Variants in SLC6A12 observed in about 807,000 individuals in gnomAD.
SLC6A12 encodes the protein sodium- and chloride-dependent betaine transporter.
SLC6A12 carries 50 observed loss-of-function variants against 73.3 expected under a neutral mutation model. The ratio of observed to expected loss-of-function variants is 0.68; its 90% CI spans 0.54 to 0.86. The LOEUF (loss-of-function observed/expected upper bound fraction) is 0.86, where lower values mean the gene tolerates loss of function less well. SLC6A12 is among the 40% of genes least tolerant of loss of function. The pLI is 0.00. For synonymous variants in SLC6A12, 304 were observed against 309.2 expected, an observed-to-expected ratio of 0.98 and a Z score of 0.18; for missense variants, 648 against 772.8, an observed-to-expected ratio of 0.84 and a Z score of 1.92.
In SLC6A12 at chr12:200,800, A is replaced by C. The variant is rs750232292; in HGVS notation, c.579-17T>G. ...ACTCGTCTCCTGGAGGATTGGGAAAAATAAGTAATGAGGGGAAAGGCTAAA... is the reference window on the plus strand; with the variant it reads ...ACTCGTCTCCTGGAGGATTGGGAAACATAAGTAATGAGGGGAAAGGCTAAA... On this transcript the variant is annotated splice_polypyrimidine_tract_variant and intron_variant, in intron 6 of 15. Transcript: ENST00000684302. The C allele has an allele frequency of 1.2e-6, 2 of 1,611,606 alleles. No individual in the cohort carries two copies. Among genetic ancestry groups the C allele is most frequent in the African/African-American group, 1.3e-5 (1 of 74,856 alleles).
At chr12:185,641 A>T (rs2137089046), downstream of SLC6A12, among the ~76,000 whole-genome samples, 1 of 152,304 alleles carries the variant, frequency 6.6e-6, no homozygotes, top group Middle Eastern at 3.4e-3. Context: ...GGCAGGGAGC[A>T]AGCTCCCCTC....
chr12:198,017 C>G lies in SLC6A12; in HGVS notation c.847-14G>C. The G allele has an allele frequency of 1.9e-6, 3 of 1,611,226 alleles. No individual in the cohort carries two copies. The highest frequency in any genetic ancestry group is 2.5e-6 in the Non-Finnish European group (3 of 1,177,616). On this transcript the variant is annotated splice_polypyrimidine_tract_variant and intron_variant, in intron 8 of 15. Transcript: ENST00000684302. This position sits in a 1 kb window ranked among gnomAD's most constrained non-coding sequence, Gnocchi z 4.0. ...ATCCATCCACACCTACACAAAACCC[C>G]AAGAAAGAGGTAGAGGCAGCCCCCA...
Position 191,071 on chromosome 12 carries a change from C to A in SLC6A12, c.1842G>T (p.Leu614Phe). 3.8e-6 allele frequency: 5 copies of A among 1,325,266 alleles called. No homozygotes were observed. Among genetic ancestry groups the A allele is most frequent in the Non-Finnish European group, 4.9e-6 (5 of 1,026,756 alleles). The allele number at this position is 1,325,266 out of a possible 1,614,324, so 82.1% of individuals were successfully genotyped here. A position where few individuals can be genotyped will look rare whatever the true frequency, so the allele number is the denominator to read the frequency against. ...GLIAGEKETH[L>F] ...CCGCCTGGCCTCTGGCCACACCCTA[C>A]AAATGGGTCTCCTTCTCCCCGGCTA... Residue 614 changes from leucine (L) to phenylalanine (F), a missense_variant, in exon 16 of 16, where the codon TTG becomes TTT. Transcript: ENST00000684302.
rs2137140614 is a variant in SLC6A12 at position 198,868 on chromosome 12, T to C, written c.775A>G (p.Thr259Ala). The C allele has an allele frequency of 6.2e-7, 1 of 1,614,046 alleles. No homozygotes were observed. Among genetic ancestry groups the C allele is most frequent in the Non-Finnish European group, 8.5e-7 (1 of 1,179,962 alleles). The change falls in exon 8 of 16, where the codon ACC becomes GCC. Residue 259 changes from threonine (T) to alanine (A), a missense_variant. Coordinates refer to ENST00000684302, the MANE Select transcript of SLC6A12 (RefSeq NM_001122848.3). The surrounding 1 kb of genome is among the most constrained non-coding windows in gnomAD (Gnocchi z 4.0). ...MLVILLIRGV[T>A]LPGAYQGIIY... ...ATGCCCTGGTAGGCTCCGGGAAGGG[T>C]GACACCTCTGATCAGCAAAATGACA...
Position 190,703 on chromosome 12 carries a change from C to T in SLC6A12, c.*365G>A, listed in dbSNP as rs1346021431. On this transcript the variant is annotated 3_prime_UTR_variant, in exon 16 of 16. Transcript: ENST00000684302. ...TGCGTTCCAATTATAGCTCCTCTCCCCGTGTACAAATGCAGTACGCTCTAA... is the reference window on the plus strand; with the variant it reads ...TGCGTTCCAATTATAGCTCCTCTCCTCGTGTACAAATGCAGTACGCTCTAA... The T allele has an allele frequency of 1.2e-5, 2 of 165,604 alleles. No homozygotes were observed. The highest frequency in any genetic ancestry group is 2.6e-5 in the Non-Finnish European group (2 of 77,188). 10.3% of individuals were successfully genotyped at this position (165,604 alleles called of 1,614,324 possible).
At chr12:205,142 T>A (rs1487261307) in intron 3 of SLC6A12, 1 of 178,530 alleles carries the variant, frequency 5.6e-6, no homozygotes, top group Non-Finnish European at 1.2e-5. Flanking sequence ...TCAGGGTGTT[T>A]GTTGCCTCCA....
Position 196,217 on chromosome 12 carries a change from G to A in SLC6A12, c.1233C>T (p.Phe411=). Reference sequence around the variant, plus strand: ...GCCCGCTCTTCCGGAGCTGCCTGGGGAACATGTCTATGGAGGCTGTCACCA... The same window carrying A: ...GCCCGCTCTTCCGGAGCTGCCTGGGAAACATGTCTATGGAGGCTGTCACCA... The part of the protein sequence containing the change: ...ECLVTASIDM[F]PRQLRKSGRR... Residue 411 remains phenylalanine (F), a synonymous_variant, in exon 12 of 16, where the codon TTC becomes TTT. Coordinates refer to ENST00000684302, the MANE Select transcript of SLC6A12 (RefSeq NM_001122848.3). 1 of 1,601,402 alleles carries A rather than the reference G, an allele frequency of 6.2e-7. No homozygotes were observed. Among genetic ancestry groups the A allele is most frequent in the Non-Finnish European group, 8.5e-7 (1 of 1,175,360 alleles).
intron 13 of SLC6A12, 139 bp downstream of exon 13, chr12:195,086 A>C: frequency 1.5e-6 from 1 of 666,880 alleles, no homozygotes; most frequent in South Asian, 1.9e-5. Flanking sequence ...TTTCCCAGTA[A>C]GAAGAAGCAG....
Position 190,625 on chromosome 12 carries a change from G to A in SLC6A12, c.*443C>T, listed in dbSNP as rs1232224785. 1 of 152,954 alleles carries A rather than the reference G, an allele frequency of 6.5e-6. No homozygotes were observed. The highest frequency in any genetic ancestry group is 2.4e-5 in the African/African-American group (1 of 41,412). The allele number at this position is 152,954 out of a possible 1,614,324, so 9.5% of individuals were successfully genotyped here. ...CCGATCCAACACAGTGTGTTCAGTT[G>A]TCACTTCCAACAGGGTATTGTCCCA... On this transcript the variant is annotated 3_prime_UTR_variant, in exon 16 of 16. Transcript: ENST00000684302.
rs1201920995 is a variant in SLC6A12 at position 192,614 on chromosome 12, G to T, written c.1565C>A (p.Pro522His). 1 of 1,614,010 alleles carries T rather than the reference G, an allele frequency of 6.2e-7. No homozygotes were observed. The highest frequency in any genetic ancestry group is 1.3e-5 in the African/African-American group (1 of 74,896). The change falls in exon 15 of 16, where the codon CCC (proline) becomes CAC (histidine). Residue 522 changes from proline (P) to histidine (H), a missense_variant. Pro to His is a moderately conservative substitution (Grantham distance 77). Transcript: ENST00000684302. ...CACATAGACGTTGTTGTACTTGAGG[G>T]GGGTGTACTTGCTCAAGGAGAAGAG... ...TFLFSLSKYT[P>H]LKYNNVYVYP...
chr12:197,072 C>T (rs36148291), intron 10 of SLC6A12, among the ~76,000 whole-genome samples, 190 bp from the exon 11 acceptor site: 177 of 9,530 alleles, frequency 0.019, no homozygotes, highest in African/African-American at 0.046. Context: ...CATCCATCTA[C>T]CCATCCATCC....
At position 198,647 on chromosome 12, in the gene SLC6A12, T is replaced by C; in HGVS notation, c.846+150A>G. On this transcript the variant is annotated intron_variant, in intron 8 of 15. Transcript: ENST00000684302. This position sits in a 1 kb window ranked among gnomAD's most constrained non-coding sequence, Gnocchi z 4.0. ...TTACAAGAGATTTTTTTAGTTTCTT[T>C]TTTATAGCTTTCTTCCATATTTTCT... 1.4e-6 allele frequency: 1 copy of C among 696,214 alleles called. No homozygotes were observed. Among genetic ancestry groups the C allele is most frequent in the Non-Finnish European group, 2.3e-6 (1 of 428,154 alleles). 43.1% of individuals were successfully genotyped at this position (696,214 alleles called of 1,614,324 possible). A position where few individuals can be genotyped will look rare whatever the true frequency, so the allele number is the denominator to read the frequency against.
At chr12:212,394 G>A (rs1231974249) in intron 1 of SLC6A12, among the ~76,000 whole-genome samples, 3 of 152,210 alleles carry the variant, frequency 2.0e-5, no homozygotes, top group African/African-American at 4.8e-5. Flanking sequence ...CCGGAGGGGC[G>A]CAGGGGCAGG....
At position 202,981 on chromosome 12, in the gene SLC6A12, T is replaced by C. The variant is rs920248290; in HGVS notation, c.350-101A>G. The C allele has an allele frequency of 6.3e-6, 6 of 956,968 alleles. No individual in the cohort carries two copies. In the African/African-American group the frequency reaches 9.8e-5, roughly 16 times the overall value. 59.3% of individuals were successfully genotyped at this position (956,968 alleles called of 1,614,324 possible). On this transcript the variant is annotated intron_variant, in intron 4 of 15. Transcript: ENST00000684302. ...TTGAGGTTACAAGGGTATTGGGTGC[T>C]ACACAAAGAGCACCATTGGGGTTTA... is the stretch of plus-strand genomic sequence containing the variant.
At chr12:193,202 T>C in intron 14 of SLC6A12, 75 bp downstream of exon 14, 1 of 1,059,894 alleles carries the variant, frequency 9.4e-7, no homozygotes, top group Non-Finnish European at 1.5e-6. Context: ...GCCCTGCATG[T>C]CAGCCGTCCT....
intron 10 of SLC6A12, among the ~76,000 whole-genome samples, chr12:197,094 C>CATCT (rs1246382925): frequency 0.12 from 4,303 of 36,728 alleles, 101 homozygotes; most frequent in South Asian, 0.17. Flanking sequence ...TCCATCCATC[C>CATCT]ATCCATCCAT....
downstream of SLC6A12, among the ~76,000 whole-genome samples, chr12:189,288 C>T (rs1477715947): frequency 1.3e-5 from 2 of 152,160 alleles, no homozygotes; most frequent in African/African-American, 4.8e-5. Flanking sequence ...CCGCAGACAG[C>T]GCTGCGCCGG....
At chr12:185,992 C>T (rs541781335), downstream of SLC6A12, among the ~76,000 whole-genome samples, 3 of 152,184 alleles carry the variant, frequency 2.0e-5, no homozygotes, top group Non-Finnish European at 2.9e-5. Context: ...GCTGGGCATG[C>T]GAGCACGGAG....
At chr12:207,359 T>A (rs540067119) in intron 3 of SLC6A12, among the ~76,000 whole-genome samples, 5 of 152,370 alleles carry the variant, frequency 3.3e-5, no homozygotes, top group African/African-American at 1.2e-4. Context: ...TGCTGCATGC[T>A]CTTTCCTGAA....
Sources: allele counts gnomAD v4.1 joint callset (sites outside exome capture counted in the v4.1 genomes callset), GRCh38; gene constraint gnomAD v4.1.1; non-coding constraint Gnocchi (gnomAD v3.1); transcripts MANE v1.5; gene names NCBI Gene and HGNC (gene_info 2026-07-23, HGNC 2026-07-21).